DOT1L: variants seen among roughly 807,000 people sequenced by gnomAD.
The protein encoded by DOT1L is histone-lysine N-methyltransferase, H3 lysine-79 specific.
DOT1L carries 33 observed loss-of-function variants against 153.3 expected under a neutral mutation model. That is an observed-to-expected ratio of 0.22 (90% CI 0.16 to 0.29). The LOEUF (loss-of-function observed/expected upper bound fraction) is 0.29, where lower values mean the gene tolerates loss of function less well. Ranked by LOEUF, DOT1L falls within the 10% of genes least tolerant of loss-of-function variation. The probability of loss-of-function intolerance (pLI) is 1.00; values close to 1 mark genes in which losing one functional copy is unlikely to be tolerated. For synonymous variants in DOT1L, 1,135 were observed against 965.1 expected, an observed-to-expected ratio of 1.18 and a Z score of -3.26; for missense variants, 1,847 against 2,119.9, an observed-to-expected ratio of 0.87 and a Z score of 2.53.
chr19:2,178,250 G>GT (rs1568330961), intron 1 of DOT1L, among the ~76,000 whole-genome samples: 2 of 129,600 alleles, frequency 1.5e-5, no homozygotes, highest in Non-Finnish European at 3.2e-5. Flanking sequence ...TTTTTTTTTG[G>GT]TATTTTTTTG....
At position 2,170,251 on chromosome 19, in the gene DOT1L, C is replaced by T. The variant is rs371884941; in HGVS notation, c.81+5986C>T. Among the ~76,000 whole-genome samples the T allele has an allele frequency of 5.3e-5, 8 of 152,280 alleles. No homozygotes were observed. In the East Asian group the frequency reaches 5.8e-4, roughly 11 times the overall value. ...ATTCCAGGAACAGGAAGATAGTGTC[C>T]GAGACCAGGATGCAGGAACAGATAG... On this transcript the variant is annotated intron_variant, in intron 1 of 27. Coordinates refer to ENST00000398665, the MANE Select transcript of DOT1L (RefSeq NM_032482.3).
chr19:2,185,969 G>C, intron 3 of DOT1L, 40 bp downstream of exon 3: 1 of 1,591,078 alleles, frequency 6.3e-7, no homozygotes, highest in South Asian at 1.1e-5. Context: ...TCCGAGGACA[G>C]ACTCGGCTCT....
At position 2,217,649 on chromosome 19, in the gene DOT1L, G is replaced by C; in HGVS notation, c.2545-123G>C. The stretch of plus-strand genomic sequence containing the variant: ...GCCTGACTGCGTGGGGAAGGTTGCA[G>C]GGCCTTGGCAGCGTGGGGGCCGCCT... On this transcript the variant is annotated intron_variant, in intron 21 of 27. Coordinates refer to ENST00000398665, the MANE Select transcript of DOT1L (RefSeq NM_032482.3). This position sits in a 1 kb window ranked among gnomAD's most constrained non-coding sequence, Gnocchi z 7.3. The C allele has an allele frequency of 3.6e-6, 5 of 1,401,342 alleles. No individual in the cohort carries two copies. Among genetic ancestry groups the C allele is most frequent in the Non-Finnish European group, 4.8e-6 (5 of 1,042,478 alleles). 86.8% of individuals were successfully genotyped at this position (1,401,342 alleles called of 1,614,324 possible).
intron 17 of DOT1L, 104 bp downstream of exon 17, chr19:2,213,744 G>A: frequency 6.2e-7 from 1 of 1,600,480 alleles, no homozygotes; most frequent in Non-Finnish European, 8.5e-7. Flanking sequence ...CTATGCCTCT[G>A]TCCAGCTGTG....
intron 18 of DOT1L, 174 bp downstream of exon 18, chr19:2,214,160 T>G: frequency 8.6e-7 from 1 of 1,166,312 alleles, no homozygotes; most frequent in African/African-American, 1.5e-5. Flanking sequence ...CAGGCAGGCC[T>G]GGGCCCCTCG....
Position 2,164,230 on chromosome 19 carries a change from G to A in DOT1L, c.46G>A (p.Glu16Lys). The A allele has an allele frequency of 7.8e-7, 1 of 1,290,012 alleles. No individual in the cohort carries two copies. The highest frequency in any genetic ancestry group is 9.8e-7 in the Non-Finnish European group (1 of 1,016,526). The allele number at this position is 1,290,012 out of a possible 1,614,324, so 79.9% of individuals were successfully genotyped here. ...ELRLKSPVGA[E>K]PAVYPWPLPV... ...GAGACTGAAGTCGCCCGTGGGGGCT[G>A]AGCCCGCCGTCTACCCGTGGCCGCT... The change falls in exon 1 of 28, where the codon GAG becomes AAG. Residue 16 changes from glutamate (E) to lysine (K), a missense_variant. Glu to Lys is a moderately conservative substitution (Grantham distance 56, BLOSUM62 1). This residue lies in a region of DOT1L where 37 missense variants were observed against 31.0 expected (regional missense o/e 1.19). Transcript: ENST00000398665.
intron 1 of DOT1L, among the ~76,000 whole-genome samples, chr19:2,164,987 C>G (rs375958558): frequency 6.6e-6 from 1 of 152,228 alleles, no homozygotes; most frequent in Non-Finnish European, 1.5e-5. Context: ...ATTTTGTCTT[C>G]TTCATCTTGG....
chr19:2,199,734 C>G (rs758944195), intron 7 of DOT1L, 150 bp from the exon 8 acceptor site: 379 of 1,044,518 alleles, frequency 3.6e-4, no homozygotes, highest in Middle Eastern at 8.8e-4. Context: ...CTGCAGCTCC[C>G]AGGGCTGCAG....
At chr19:2,181,103 A>C (rs565872970) in intron 2 of DOT1L, among the ~76,000 whole-genome samples, 5 of 152,288 alleles carry the variant, frequency 3.3e-5, no homozygotes, top group Admixed American at 3.3e-4. Flanking sequence ...CCATGGGTGC[A>C]GAGAGGAGCA....
chr19:2,226,962 C>T lies in DOT1L; in HGVS notation c.4441C>T (p.Leu1481=), dbSNP rs377420763. Residue 1481 remains leucine, a synonymous_variant, in exon 27 of 28, where the codon CTG becomes TTG. Transcript: ENST00000398665. ...GPQFALGPMS[L]QANLGSVAGS... ...GCAGTTCGCGCTCGGCCCCATGTCC[C>T]TGCAGGCCAACCTCGGCTCCGTGGC... 28 of 1,590,982 alleles carry T rather than the reference C, an allele frequency of 1.8e-5. No homozygotes were observed. In the African/African-American group the frequency reaches 2.4e-4, roughly 14 times the overall value.
chr19:2,213,763 G>T, intron 17 of DOT1L, 86 bp from the exon 18 acceptor site: 1 of 1,603,790 alleles, frequency 6.2e-7, no homozygotes, highest in Non-Finnish European at 8.5e-7. Context: ...TGTCCCAGGG[G>T]CTGGGCTGCA....
chr19:2,226,511 C>A lies in DOT1L; in HGVS notation c.3990C>A (p.Ser1330Arg), dbSNP rs2144932253. ...GGLAADLSLH[S>R]FSDGASLPHK... ...TGGCCGCGGACCTGAGTTTACACAG[C>A]TTCAGTGATGGTGCTTCTCTTCCCC... Residue 1330 changes from serine (S) to arginine (R), a missense_variant, in exon 27 of 28, where the codon AGC (serine) becomes AGA (arginine). Physicochemically the swap from Ser to Arg is moderately radical, Grantham distance 110 (BLOSUM62 -1). Coordinates refer to ENST00000398665, the MANE Select transcript of DOT1L (RefSeq NM_032482.3). The A allele has an allele frequency of 6.2e-7, 1 of 1,600,834 alleles. No homozygotes were observed. Among genetic ancestry groups the A allele is most frequent in the Non-Finnish European group, 8.5e-7 (1 of 1,179,682 alleles).
chr19:2,220,227 C>T lies in DOT1L; in HGVS notation c.2806+5C>T, dbSNP rs368628707. The T allele has an allele frequency of 2.4e-5, 38 of 1,610,930 alleles. 1 individual carries two copies. Among genetic ancestry groups the T allele is most frequent in the South Asian group, 1.7e-4 (15 of 90,722 alleles). Reference sequence around the variant, plus strand: ...GCCTTGCCCTGGCCCCCGCAGGTAACGCCCCTCCTGTGCCCTACCCTCAGG... The same window carrying T: ...GCCTTGCCCTGGCCCCCGCAGGTAATGCCCCTCCTGTGCCCTACCCTCAGG... On this transcript the variant is annotated splice_donor_5th_base_variant and intron_variant, in intron 23 of 27. Transcript: ENST00000398665. The surrounding 1 kb of genome is among the most constrained non-coding windows in gnomAD (Gnocchi z 4.5).
Position 2,230,016 on chromosome 19 carries a change from A to G in DOT1L, c.*224A>G. 1.4e-6 allele frequency: 1 copy of G among 708,232 alleles called. No homozygotes were observed. The highest frequency in any genetic ancestry group is 2.3e-6 in the Non-Finnish European group (1 of 438,646). 43.9% of individuals were successfully genotyped at this position (708,232 alleles called of 1,614,324 possible). A position where few individuals can be genotyped will look rare whatever the true frequency, so the allele number is the denominator to read the frequency against. ...AAGTATTTATCATTTTTTAAAAAGT[A>G]TAAACAATTCTGACTTATTTTATTC... is the stretch of plus-strand genomic sequence containing the variant. On this transcript the variant is annotated 3_prime_UTR_variant, in exon 28 of 28. Coordinates refer to ENST00000398665, the MANE Select transcript of DOT1L (RefSeq NM_032482.3).
rs760781184 is a variant in DOT1L at position 2,207,693 on chromosome 19, C to T, written c.963+13C>T. 3 of 1,604,124 alleles carry T rather than the reference C, an allele frequency of 1.9e-6. No individual in the cohort carries two copies. Among genetic ancestry groups the T allele is most frequent in the South Asian group, 1.1e-5 (1 of 90,510 alleles). On this transcript the variant is annotated intron_variant, in intron 11 of 27. Coordinates refer to ENST00000398665, the MANE Select transcript of DOT1L (RefSeq NM_032482.3). The surrounding 1 kb of genome is among the most constrained non-coding windows in gnomAD (Gnocchi z 4.5). ...CGACCGCACCATAGTGAGTATCTCG[C>T]TGCGCCTCAGCCGCAGGGCCGTCCT...
intron 26 of DOT1L, among the ~76,000 whole-genome samples, chr19:2,225,735 C>G (rs750435919): frequency 6.6e-6 from 1 of 152,170 alleles, no homozygotes; most frequent in Non-Finnish European, 1.5e-5. Context: ...CTGCGGGGAT[C>G]GTCACCTTGG....
chr19:2,215,296 C>G (rs113158119), intron 19 of DOT1L, among the ~76,000 whole-genome samples: 1 of 152,166 alleles, frequency 6.6e-6, no homozygotes, highest in South Asian at 2.1e-4. Flanking sequence ...TTTCTGACAC[C>G]GAGAAACGCA....
At chr19:2,211,441 G>A (rs150137703) in intron 15 of DOT1L, among the ~76,000 whole-genome samples, 8 of 152,328 alleles carry the variant, frequency 5.3e-5, no homozygotes, top group East Asian at 1.9e-4. Flanking sequence ...CACTTGGGAC[G>A]TCTGCAGTTG....
chr19:2,181,763 A>AGCCCCAGCC (rs2022248614), intron 2 of DOT1L, among the ~76,000 whole-genome samples: 2 of 138,490 alleles, frequency 1.4e-5, no homozygotes, highest in Non-Finnish European at 1.6e-5. Flanking sequence ...CCCGCCCAGC[A>AGCCCCAGCC]CCAGCCCCAG....
Sources: gnomAD v4.1 joint callset for allele counts (sites outside exome capture counted in the v4.1 genomes callset) on GRCh38, gnomAD v4.1.1 for gene constraint, gnomAD v4.1.1 regional missense constraint, Gnocchi (gnomAD v3.1) non-coding constraint, MANE v1.5 for transcripts, NCBI Gene and HGNC (gene_info 2026-07-23, HGNC 2026-07-21) for gene names.